STX12: variants seen among roughly 807,000 people sequenced by gnomAD.
STX12 encodes the protein syntaxin-12.
STX12 carries 17 observed loss-of-function variants against 42.2 expected under a neutral mutation model. The observed-to-expected ratio is 0.40, with a 90% confidence interval of 0.28 to 0.60. The LOEUF is 0.60. Ranked by LOEUF, STX12 falls within the 20% of genes least tolerant of loss-of-function variation. The probability of loss-of-function intolerance (pLI) is 0.39; values close to 1 mark genes in which losing one functional copy is unlikely to be tolerated. For synonymous variants in STX12, 108 were observed against 116.7 expected, an observed-to-expected ratio of 0.93 and a Z score of 0.48; for missense variants, 297 against 330.9, an observed-to-expected ratio of 0.90 and a Z score of 0.79.
chr1:27,789,336 A>C (rs1225221356), intron 1 of STX12, among the ~76,000 whole-genome samples: 1 of 152,146 alleles, frequency 6.6e-6, no homozygotes, highest in African/African-American at 2.4e-5. Context: ...TGATAAAACT[A>C]CCACCTTCTA....
intron 4 of STX12, among the ~76,000 whole-genome samples, chr1:27,803,270 C>A (rs1019089235): frequency 1.3e-5 from 2 of 152,138 alleles, no homozygotes; most frequent in African/African-American, 2.4e-5. Context: ...AATCTAGATA[C>A]ATCAAAGACA....
At chr1:27,810,413 C>A in intron 5 of STX12, 124 bp downstream of exon 5, 1 of 803,150 alleles carries the variant, frequency 1.2e-6, no homozygotes, top group Non-Finnish European at 2.0e-6. Flanking sequence ...GAGTGGATAA[C>A]ATAATCCACA....
At chr1:27,782,799 GCAC>G (rs746647748) in intron 1 of STX12, among the ~76,000 whole-genome samples, 21 of 152,116 alleles carry the variant, frequency 1.4e-4, no homozygotes, top group Non-Finnish European at 2.2e-4. Flanking sequence ...CCGTGCCATT[GCAC>G]TCCAACCTGG....
At chr1:27,779,203 C>A (rs984906712) in intron 1 of STX12, among the ~76,000 whole-genome samples, 2 of 152,160 alleles carry the variant, frequency 1.3e-5, no homozygotes, top group East Asian at 3.8e-4. Flanking sequence ...GGTCTTGCCC[C>A]ATTCTAGTTT....
In STX12 at chr1:27,799,477, G is replaced by GTTTTTTTTT. The variant is rs200472226; in HGVS notation, c.289-2198_289-2190dup. On this transcript the variant is annotated intron_variant, in intron 3 of 8. Coordinates refer to ENST00000373943, the MANE Select transcript of STX12 (RefSeq NM_177424.3). The stretch of plus-strand genomic sequence containing the variant: ...GGTTGAACCCCAAACTCATTAGCTT[G>GTTTTTTTTT]TTTTTTTTTTTGTTTTTTTTTTTGA... Among the ~76,000 whole-genome samples, 1,222 of 130,460 alleles carry GTTTTTTTTT rather than the reference G, an allele frequency of 9.4e-3. 160 individuals are homozygous for GTTTTTTTTT. The highest frequency in any genetic ancestry group is 0.038 in the African/African-American group (1,170 of 31,012). 85.6% of individuals were successfully genotyped at this position (130,460 alleles called of 152,430 possible). A position where few individuals can be genotyped will look rare whatever the true frequency, so the allele number is the denominator to read the frequency against.
chr1:27,779,410 T>C (rs2088651403), intron 1 of STX12, among the ~76,000 whole-genome samples: 1 of 151,450 alleles, frequency 6.6e-6, no homozygotes, highest in African/African-American at 2.4e-5. Context: ...CTTGGCTCAC[T>C]GTAACATCCA....
chr1:27,785,787 T>C (rs1035199433), intron 1 of STX12, among the ~76,000 whole-genome samples: 5 of 152,190 alleles, frequency 3.3e-5, no homozygotes, highest in Admixed American at 6.5e-5. Context: ...AATTAATCAG[T>C]AATTGATTAT....
intron 4 of STX12, among the ~76,000 whole-genome samples, chr1:27,808,866 T>G (rs565408792): frequency 2.0e-4 from 30 of 152,304 alleles, no homozygotes; most frequent in African/African-American, 5.3e-4. Context: ...TCAATAGTAT[T>G]AGATAAATTA....
chr1:27,778,855 G>A (rs919378992), intron 1 of STX12, among the ~76,000 whole-genome samples: 1 of 152,100 alleles, frequency 6.6e-6, no homozygotes, highest in Non-Finnish European at 1.5e-5. Flanking sequence ...AAACTCTTGG[G>A]CTTTAGCGAT....
rs2088920678 is a variant in STX12, at chr1:27,813,828, C to T, written c.576+1560C>T. Among the ~76,000 whole-genome samples, 5 of 152,024 alleles carry T rather than the reference C, an allele frequency of 3.3e-5. No individual in the cohort carries two copies. In the South Asian group the frequency reaches 1.0e-3, roughly 32 times the overall value. ...GCATGGGTATTTTTTTAAAAAGTTC[C>T]CCCAGGTGATTATAATATGCAGCCA... On this transcript the variant is annotated intron_variant, in intron 6 of 8. Coordinates refer to ENST00000373943, the MANE Select transcript of STX12 (RefSeq NM_177424.3).
chr1:27,792,305 T>TAC (rs1491365028), intron 2 of STX12, among the ~76,000 whole-genome samples: 1 of 126,768 alleles, frequency 7.9e-6, no homozygotes, highest in Non-Finnish European at 1.6e-5. Context: ...TATATGTATC[T>TAC]ATATATATGT....
At chr1:27,810,953 C>G (rs2088898828) in intron 5 of STX12, among the ~76,000 whole-genome samples, 1 of 151,822 alleles carries the variant, frequency 6.6e-6, no homozygotes, top group South Asian at 2.1e-4. Flanking sequence ...TGGGAAAACA[C>G]ATAATAATGG....
chr1:27,786,325 G>A (rs949266606), intron 1 of STX12, among the ~76,000 whole-genome samples: 1 of 152,134 alleles, frequency 6.6e-6, no homozygotes, highest in African/African-American at 2.4e-5. Flanking sequence ...CCCCAAGATA[G>A]CTGTGTGGCT....
At chr1:27,807,157 G>A (rs979427346) in intron 4 of STX12, among the ~76,000 whole-genome samples, 3 of 152,030 alleles carry the variant, frequency 2.0e-5, no homozygotes, top group African/African-American at 7.2e-5. Flanking sequence ...TTACACCATG[G>A]TAAATGGGGT....
At chr1:27,806,409 G>A (rs2088862883) in intron 4 of STX12, among the ~76,000 whole-genome samples, 1 of 152,150 alleles carries the variant, frequency 6.6e-6, no homozygotes, top group Non-Finnish European at 1.5e-5. Flanking sequence ...TAAAAAAAGT[G>A]GCTAGTTCAG....
At chr1:27,794,244 A>G (rs903621366) in intron 3 of STX12, among the ~76,000 whole-genome samples, 3 of 152,062 alleles carry the variant, frequency 2.0e-5, no homozygotes, top group African/African-American at 4.8e-5. Context: ...CCATGCTGGT[A>G]TTGAACTTGT....
Position 27,773,380 on chromosome 1 carries a change from A to G in STX12, c.73A>G (p.Ile25Val), listed in dbSNP as rs767505771. ...SGPQLRDFSS[I>V]IQTCSGNIQR... ...GCCCCAGCTCCGGGACTTCAGCAGCATCATCCAGACGTGCAGCGGCAACAT... is the reference window on the plus strand; with the variant it reads ...GCCCCAGCTCCGGGACTTCAGCAGCGTCATCCAGACGTGCAGCGGCAACAT... The change falls in exon 1 of 9, where the codon ATC becomes GTC. Residue 25 changes from isoleucine to valine, a missense_variant. By Grantham distance (29) the Ile-to-Val change is conservative. Coordinates refer to ENST00000373943, the MANE Select transcript of STX12 (RefSeq NM_177424.3). The G allele has an allele frequency of 1.3e-5, 21 of 1,613,658 alleles. No homozygotes were observed. The highest frequency in any genetic ancestry group is 2.7e-5 in the African/African-American group (2 of 74,922).
At chr1:27,803,245 A>T (rs554731492) in intron 4 of STX12, among the ~76,000 whole-genome samples, 10 of 152,234 alleles carry the variant, frequency 6.6e-5, no homozygotes, top group East Asian at 3.8e-4. Flanking sequence ...CCCAAGCAGG[A>T]TAAATAAAAT....
chr1:27,813,158 C>T (rs2088916378), intron 6 of STX12, among the ~76,000 whole-genome samples: 1 of 151,722 alleles, frequency 6.6e-6, no homozygotes, highest in Non-Finnish European at 1.5e-5. Context: ...TAATTTTGCA[C>T]AGTGACTAAT....
Sources: allele counts gnomAD v4.1 joint callset (sites outside exome capture counted in the v4.1 genomes callset), GRCh38; gene constraint gnomAD v4.1.1; transcripts MANE v1.5; gene names NCBI Gene and HGNC (gene_info 2026-07-23, HGNC 2026-07-21).